The following PPP1R42 variants were observed in gnomAD, a reference collection of about 807,000 sequenced individuals.
PPP1R42 encodes the protein protein phosphatase 1 regulatory subunit 42.
A neutral mutation model predicts 31.0 loss-of-function variants in PPP1R42; 34 were observed. The observed-to-expected ratio is 1.10, with a 90% confidence interval of 0.83 to 1.46. The LOEUF is 1.46. Ranked by LOEUF, PPP1R42 falls within the 40% of genes most tolerant of loss-of-function variation. The pLI, the probability that PPP1R42 is intolerant of heterozygous loss-of-function variation, is 0.00. For synonymous variants in PPP1R42, 103 were observed against 109.8 expected, an observed-to-expected ratio of 0.94 and a Z score of 0.39; for missense variants, 268 against 303.0, an observed-to-expected ratio of 0.88 and a Z score of 0.86.
intron 1 of PPP1R42, among the ~76,000 whole-genome samples, chr8:67,018,518 CT>C (rs1194476543): frequency 1.8e-3 from 252 of 136,794 alleles, no homozygotes; most frequent in Admixed American, 2.5e-3. Context: ...GCACTGCAAC[CT>C]TTTTTTTTTT....
intron 1 of PPP1R42, among the ~76,000 whole-genome samples, chr8:67,020,964 A>G (rs1816198657): frequency 1.3e-5 from 2 of 152,134 alleles, no homozygotes; most frequent in South Asian, 4.1e-4. Flanking sequence ...AAGTAAATAA[A>G]ATATTGCCAT....
chr8:66,984,626 T>G, intron 6 of PPP1R42: 1 of 1,295,874 alleles, frequency 7.7e-7, no homozygotes, highest in South Asian at 1.2e-5. Context: ...TGAAATGTCT[T>G]AAGCTTTTAA....
At chr8:66,977,336 CTT>C (rs1308140668) in intron 7 of PPP1R42, among the ~76,000 whole-genome samples, 47 of 125,684 alleles carry the variant, frequency 3.7e-4, no homozygotes, top group Admixed American at 3.2e-4. Flanking sequence ...CCCACCCTTG[CTT>C]TTTTTTTTTT....
intron 5 of PPP1R42, among the ~76,000 whole-genome samples, chr8:67,008,505 C>T (rs947783114): frequency 2.0e-5 from 3 of 152,042 alleles, no homozygotes; most frequent in Non-Finnish European, 4.4e-5. Flanking sequence ...GTTAGGAGTT[C>T]GAGACCAGTC....
chr8:67,013,965 T>C (rs1379446434), intron 3 of PPP1R42, among the ~76,000 whole-genome samples: 3 of 152,178 alleles, frequency 2.0e-5, no homozygotes, highest in African/African-American at 7.2e-5. Flanking sequence ...GTAAATGCCT[T>C]TTTACAATCA....
intron 1 of PPP1R42, among the ~76,000 whole-genome samples, chr8:67,020,362 G>T (rs1026004325): frequency 6.6e-6 from 1 of 152,004 alleles, no homozygotes; most frequent in African/African-American, 2.4e-5. Context: ...CACCATGCCC[G>T]GCTAATTTTT....
chr8:67,017,618 C>T lies in PPP1R42; in HGVS notation c.129+1G>A. ...ATAGGAAATAATTTCAAAGTTCTTA[C>T]AATTGCATCTATATTTTTGTCTGAA... On this transcript the variant is annotated splice_donor_variant, in intron 2 of 7. Coordinates refer to ENST00000685739, the MANE Select transcript of PPP1R42 (RefSeq NM_001364910.1). LOFTEE classifies it high-confidence loss of function. 1 of 1,435,566 alleles carries T rather than the reference C, an allele frequency of 7.0e-7. No homozygotes were observed. The highest frequency in any genetic ancestry group is 9.3e-7 in the Non-Finnish European group (1 of 1,069,876). 88.9% of individuals were successfully genotyped at this position (1,435,566 alleles called of 1,614,324 possible). A position where few individuals can be genotyped will look rare whatever the true frequency, so the allele number is the denominator to read the frequency against.
Position 66,964,156 on chromosome 8 carries a change from G to T in PPP1R42, c.*165C>A, listed in dbSNP as rs1256635818. On this transcript the variant is annotated 3_prime_UTR_variant, in exon 8 of 8. Coordinates refer to ENST00000685739, the MANE Select transcript of PPP1R42 (RefSeq NM_001364910.1). ...ACCATAAAGCTACAAACCCACAAAA[G>T]ATATTGTTGCCTAGTCATATAAGGT... is the stretch of plus-strand genomic sequence containing the variant. The T allele has an allele frequency of 2.2e-6, 1 of 449,890 alleles. No homozygotes were observed. Among genetic ancestry groups the T allele is most frequent in the East Asian group, 7.0e-5 (1 of 14,230 alleles). 27.9% of individuals were successfully genotyped at this position (449,890 alleles called of 1,614,324 possible). A position where few individuals can be genotyped will look rare whatever the true frequency, so the allele number is the denominator to read the frequency against.
intron 1 of PPP1R42, among the ~76,000 whole-genome samples, chr8:67,023,894 C>T (rs1816299886): frequency 4.0e-5 from 6 of 151,410 alleles, no homozygotes; most frequent in Admixed American, 3.9e-4. Context: ...CCTGTAATCC[C>T]AGCACTTTGG....
At position 66,968,494 on chromosome 8, in the gene PPP1R42, G is replaced by A. The variant is rs528767728; in HGVS notation, c.803-4160C>T. On this transcript the variant is annotated intron_variant, in intron 7 of 7. Transcript: ENST00000685739. ...TATTAAATATAGAGTGTAGGGACACGTCTGCTGATGCCAGCTCATTCTTTC... is the reference window on the plus strand; with the variant it reads ...TATTAAATATAGAGTGTAGGGACACATCTGCTGATGCCAGCTCATTCTTTC... 17 of 984,180 alleles carry A rather than the reference G, an allele frequency of 1.7e-5. No homozygotes were observed. In the South Asian group the frequency reaches 1.9e-4, roughly 11 times the overall value. The allele number at this position is 984,180 out of a possible 1,614,324, so 61.0% of individuals were successfully genotyped here.
chr8:67,001,298 A>C (rs1326348308), intron 5 of PPP1R42, among the ~76,000 whole-genome samples: 1 of 148,742 alleles, frequency 6.7e-6, no homozygotes, highest in Non-Finnish European at 1.5e-5. Context: ...TGATCCTCCC[A>C]CCTTGGCCTC....
At chr8:66,986,001 G>T (rs1018252966) in intron 6 of PPP1R42, 20 of 748,658 alleles carry the variant, frequency 2.7e-5, no homozygotes, top group Middle Eastern at 4.8e-4. Flanking sequence ...GGAATGCCTA[G>T]AGCTTCCGCC....
intron 1 of PPP1R42, among the ~76,000 whole-genome samples, chr8:67,019,739 T>C (rs907291124): frequency 6.6e-6 from 1 of 151,300 alleles, no homozygotes; most frequent in African/African-American, 2.4e-5. Flanking sequence ...ATACAAAAAA[T>C]TAGCCAGGCA....
rs1035106628 is a variant in PPP1R42, at chr8:66,964,284, T to C, written c.*37A>G. ...TGGGTTATGGAAGAGGTGAGGTTCA[T>C]GCACATCATTTTTTGTCAGCAAGCT... On this transcript the variant is annotated 3_prime_UTR_variant, in exon 8 of 8. Coordinates refer to ENST00000685739, the MANE Select transcript of PPP1R42 (RefSeq NM_001364910.1). 4 of 1,276,974 alleles carry C rather than the reference T, an allele frequency of 3.1e-6. No individual in the cohort carries two copies. In the African/African-American group the frequency reaches 6.1e-5, roughly 20 times the overall value. 79.1% of individuals were successfully genotyped at this position (1,276,974 alleles called of 1,614,324 possible). A position where few individuals can be genotyped will look rare whatever the true frequency, so the allele number is the denominator to read the frequency against.
rs898991836 is a variant in PPP1R42 at position 66,985,214 on chromosome 8, T to A, written c.671-3034A>T. 8 of 1,126,904 alleles carry A rather than the reference T, an allele frequency of 7.1e-6. No homozygotes were observed. In the African/African-American group the frequency reaches 1.1e-4, roughly 15 times the overall value. 69.8% of individuals were successfully genotyped at this position (1,126,904 alleles called of 1,614,324 possible). Reference sequence around the variant, plus strand: ...GCCTTTGTCCTTAATCGCTGAGCAGTCTTCTCAAATTTGCCCTTGTCATGG... The same window carrying A: ...GCCTTTGTCCTTAATCGCTGAGCAGACTTCTCAAATTTGCCCTTGTCATGG... On this transcript the variant is annotated intron_variant, in intron 6 of 7. Coordinates refer to ENST00000685739, the MANE Select transcript of PPP1R42 (RefSeq NM_001364910.1).
At chr8:67,004,520 A>G (rs1026928078) in intron 5 of PPP1R42, among the ~76,000 whole-genome samples, 1 of 152,126 alleles carries the variant, frequency 6.6e-6, no homozygotes, top group Non-Finnish European at 1.5e-5. Flanking sequence ...GAGACTGTCA[A>G]TTTTATCATT....
chr8:66,986,007 C>T, intron 6 of PPP1R42: 1 of 748,060 alleles, frequency 1.3e-6, no homozygotes, highest in Non-Finnish European at 2.5e-6. Context: ...CCTAGAGCTT[C>T]CGCCTTCCTC....
intron 1 of PPP1R42, among the ~76,000 whole-genome samples, chr8:67,022,843 ATCTC>A (rs1023636618): frequency 6.6e-6 from 1 of 151,976 alleles, no homozygotes; most frequent in South Asian, 2.1e-4. Flanking sequence ...TAGATTAATA[ATCTC>A]TCTCTCTACT....
chr8:66,993,616 C>T (rs1176094000), intron 5 of PPP1R42, among the ~76,000 whole-genome samples: 1 of 152,162 alleles, frequency 6.6e-6, no homozygotes, highest in Admixed American at 6.5e-5. Context: ...AGGACAGATC[C>T]CTCTCTTATA....
Sources: gnomAD v4.1 joint callset for allele counts (sites outside exome capture counted in the v4.1 genomes callset) on GRCh38, gnomAD v4.1.1 for gene constraint, MANE v1.5 for transcripts, NCBI Gene and HGNC (gene_info 2026-07-23, HGNC 2026-07-21) for gene names.